The following IRS2 variants were observed in gnomAD, a reference collection of about 807,000 sequenced individuals.
IRS2 encodes insulin receptor substrate 2.
A neutral mutation model predicts 70.9 loss-of-function variants in IRS2; 28 were observed. That is an observed-to-expected ratio of 0.39 (90% CI 0.29 to 0.54). IRS2 has a LOEUF of 0.54. Ranked by LOEUF, IRS2 falls within the 20% of genes least tolerant of loss-of-function variation. The pLI is 0.59. For synonymous variants in IRS2, 1,217 were observed against 981.9 expected, an observed-to-expected ratio of 1.24 and a Z score of -4.48; for missense variants, 2,081 against 2,024.1, an observed-to-expected ratio of 1.03 and a Z score of -0.54.
In IRS2 at chr13:109,780,000, G is replaced by A. The variant is rs187552563; in HGVS notation, c.4012+2042C>T. 2.2e-3 allele frequency among the ~76,000 whole-genome samples: 338 copies of A among 152,164 alleles called. 2 individuals carry two copies. The highest frequency in any genetic ancestry group is 7.9e-3 in the African/African-American group (326 of 41,516). On this transcript the variant is annotated intron_variant, in intron 1 of 1. Transcript: ENST00000375856. ...TTTGGACCCCAATTCTGAATGTATC[G>A]GCTTCATCAGAAACGCCTTGCGTCC...
rs2138937660 is a variant in IRS2, at chr13:109,785,170, T to C, written c.884A>G (p.Lys295Arg). 1 of 1,600,718 alleles carries C rather than the reference T, an allele frequency of 6.2e-7. No individual in the cohort carries two copies. Among genetic ancestry groups the C allele is most frequent in the Non-Finnish European group, 8.5e-7 (1 of 1,174,458 alleles). ...GCGCGGCCGGAACTCGAAGAGCTCC[T>C]TGAGCGCCTTCATGGCCTCCAGGAT... ...ETILEAMKAL[K>R]ELFEFRPRSK... Residue 295 changes from lysine to arginine, a missense_variant, in exon 1 of 2, where the codon AAG becomes AGG. By Grantham distance (26) the Lys-to-Arg change is conservative (BLOSUM62 2). Transcript: ENST00000375856. The surrounding 1 kb of genome is among the most constrained non-coding windows in gnomAD (Gnocchi z 9.3).
rs1482272496 is a variant in IRS2, at chr13:109,782,134, C to T, written c.3920G>A (p.Gly1307Glu). 1 of 1,606,864 alleles carries T rather than the reference C, an allele frequency of 6.2e-7. No individual in the cohort carries two copies. The highest frequency in any genetic ancestry group is 1.7e-5 in the Admixed American group (1 of 59,296). The change falls in exon 1 of 2, where the codon GGG becomes GAG. Residue 1307 changes from glycine to glutamate, a missense_variant. By Grantham distance (98) the Gly-to-Glu change is moderately conservative. This residue lies in a region of IRS2 where 1,615 missense variants were observed against 1,459.5 expected (regional missense o/e 1.11). Coordinates refer to ENST00000375856, the MANE Select transcript of IRS2 (RefSeq NM_003749.3). ...VGVGSTGGGC[G>E]GPGPGALPPA... ...GGGCAGGGCACCGGGACCCGGCCCCCCGCACCCGCCGCCGGTGCTGCCGAC... is the reference window on the plus strand; with the variant it reads ...GGGCAGGGCACCGGGACCCGGCCCCTCGCACCCGCCGCCGGTGCTGCCGAC...
intron 1 of IRS2, among the ~76,000 whole-genome samples, chr13:109,760,011 C>G (rs1344046262): frequency 6.6e-6 from 1 of 152,180 alleles, no homozygotes; most frequent in Non-Finnish European, 1.5e-5. Context: ...CCCTGAAAAT[C>G]AGCCTGGTTC....
At position 109,782,378 on chromosome 13, in the gene IRS2, C is replaced by G. The variant is rs369041453; in HGVS notation, c.3676G>C (p.Gly1226Arg). The G allele has an allele frequency of 6.2e-6, 10 of 1,610,426 alleles. No individual in the cohort carries two copies. Among genetic ancestry groups the G allele is most frequent in the Non-Finnish European group, 1.7e-6 (2 of 1,178,880 alleles). Residue 1226 changes from glycine to arginine, a missense_variant, in exon 1 of 2, where the codon GGG (glycine) becomes CGG (arginine). Gly to Arg is a moderately radical substitution (Grantham distance 125). Around this residue, in one of 4 missense-constraint regions of IRS2, gnomAD observed 1,615 missense variants for 1,459.5 expected, o/e 1.11. Transcript: ENST00000375856. ...CTCCCAGGACAACCGACCAAGCCCC[C>G]GGGCTGACCCGGGGTCCACGGCCGG... is the stretch of plus-strand genomic sequence containing the variant. The part of the protein sequence containing the change: ...QGRPWTPGQP[G>R]GLVGCPGSGG...
At chr13:109,775,230 T>C (rs1348844924) in intron 1 of IRS2, among the ~76,000 whole-genome samples, 1 of 151,392 alleles carries the variant, frequency 6.6e-6, no homozygotes, top group Non-Finnish European at 1.5e-5. Flanking sequence ...GTGATTCTCC[T>C]GCCTCAGCCT....
chr13:109,767,798 T>C (rs564161676), intron 1 of IRS2, among the ~76,000 whole-genome samples: 142 of 143,776 alleles, frequency 9.9e-4, no homozygotes, highest in African/African-American at 3.4e-3. Context: ...AGTGGTGCAA[T>C]CTCGGCTCGC....
At position 109,785,814 on chromosome 13, in the gene IRS2, T is replaced by C; in HGVS notation, c.240A>G (p.Lys80=). The C allele has an allele frequency of 6.3e-7, 1 of 1,579,068 alleles. No individual in the cohort carries two copies. Among genetic ancestry groups the C allele is most frequent in the Non-Finnish European group, 8.5e-7 (1 of 1,170,390 alleles). Residue 80 remains lysine, a synonymous_variant, in exon 1 of 2, where the codon AAA becomes AAG. Coordinates refer to ENST00000375856, the MANE Select transcript of IRS2 (RefSeq NM_003749.3). This position sits in a 1 kb window ranked among gnomAD's most constrained non-coding sequence, Gnocchi z 9.3. ...GCGCGCCTGCCTTGCTCCGCCACTTTTTCTCGCTCTCGTAGTACTCGAGCC... is the reference window on the plus strand; with the variant it reads ...GCGCGCCTGCCTTGCTCCGCCACTTCTTCTCGCTCTCGTAGTACTCGAGCC... ...PPRLEYYESE[K]KWRSKAGAPK... is the part of the protein sequence containing the mutation.
intron 1 of IRS2, among the ~76,000 whole-genome samples, chr13:109,777,905 G>A (rs1049248941): frequency 2.6e-5 from 4 of 152,120 alleles, no homozygotes; most frequent in African/African-American, 9.7e-5. Flanking sequence ...TTACATAAAG[G>A]GGGAAAACAA....
At chr13:109,771,614 C>T (rs1352364881) in intron 1 of IRS2, among the ~76,000 whole-genome samples, 5 of 152,122 alleles carry the variant, frequency 3.3e-5, no homozygotes, top group South Asian at 2.1e-4. Context: ...GTTTCATTTG[C>T]GTATGTAAAA....
At chr13:109,777,853 T>C (rs1877614061) in intron 1 of IRS2, among the ~76,000 whole-genome samples, 1 of 152,226 alleles carries the variant, frequency 6.6e-6, no homozygotes, top group Admixed American at 6.5e-5. Context: ...GAACACCACT[T>C]TGTTACAATC....
At chr13:109,770,372 T>C (rs1281685944) in intron 1 of IRS2, among the ~76,000 whole-genome samples, 3 of 152,190 alleles carry the variant, frequency 2.0e-5, no homozygotes, top group Admixed American at 1.3e-4. Flanking sequence ...CAGGAGAGCT[T>C]GGAGGCAAGG....
intron 1 of IRS2, among the ~76,000 whole-genome samples, chr13:109,779,752 C>T (rs890404155): frequency 6.6e-6 from 1 of 151,972 alleles, no homozygotes; most frequent in Admixed American, 6.6e-5. Context: ...ATCATGATAC[C>T]CACACAAACT....
rs1374638111 is a variant in IRS2 at position 109,782,157 on chromosome 13, G to C, written c.3897C>G (p.Val1299=). ...CCCCGCACCCGCCGCCGGTGCTGCC[G>C]ACGCCCACAGCGCTGATGAGACCCC... ...SLGGLISAVG[V]GSTGGGCGGP... is the part of the protein sequence containing the mutation. The change falls in exon 1 of 2, where the codon GTC becomes GTG. Residue 1299 remains valine (V), a synonymous_variant. Coordinates refer to ENST00000375856, the MANE Select transcript of IRS2 (RefSeq NM_003749.3). 6.2e-7 allele frequency: 1 copy of C among 1,605,508 alleles called. No individual in the cohort carries two copies. Among genetic ancestry groups the C allele is most frequent in the East Asian group, 2.2e-5 (1 of 44,588 alleles).
In IRS2 at chr13:109,785,949, G is replaced by A. The variant is rs781122288; in HGVS notation, c.105C>T (p.Gly35=). 8.7e-6 allele frequency: 13 copies of A among 1,497,946 alleles called. No homozygotes were observed. The South Asian group carries it at 1.6e-4, about 19-fold the overall frequency. The allele number at this position is 1,497,946 out of a possible 1,614,324, so 92.8% of individuals were successfully genotyped here. The change falls in exon 1 of 2, where the codon GGC becomes GGT. Residue 35 remains glycine, a synonymous_variant. Coordinates refer to ENST00000375856, the MANE Select transcript of IRS2 (RefSeq NM_003749.3). This position sits in a 1 kb window ranked among gnomAD's most constrained non-coding sequence, Gnocchi z 9.3. ...GGCCATGCTTCTGCTTGCGCAGGTA[G>A]CCGCACTTGCGCACGCTGTGGTTGT... The part of the protein sequence containing the change: ...NNNNHSVRKC[G]YLRKQKHGHK...
In IRS2 at chr13:109,783,443, G is replaced by T; in HGVS notation, c.2611C>A (p.Arg871=). The T allele has an allele frequency of 6.6e-7, 1 of 1,524,628 alleles. No individual in the cohort carries two copies. The highest frequency in any genetic ancestry group is 8.8e-7 in the Non-Finnish European group (1 of 1,141,012). The allele number at this position is 1,524,628 out of a possible 1,614,324, so 94.4% of individuals were successfully genotyped here. Residue 871 remains arginine, a synonymous_variant, in exon 1 of 2, where the codon CGG becomes AGG. Transcript: ENST00000375856. ...CCCTCCGGGCGGCCGCCGCTAGGCC[G>T]CACGGGCGAAGGCACTACAGGGTGA... ...PPHPVVPSPV[R]PSGGRPEGFL...
intron 1 of IRS2, among the ~76,000 whole-genome samples, chr13:109,773,787 GT>G (rs1877511188): frequency 6.6e-6 from 1 of 152,212 alleles, no homozygotes; most frequent in Non-Finnish European, 1.5e-5. Context: ...TTACTAAAAT[GT>G]TCCAAAGTAA....
Position 109,786,106 on chromosome 13 carries a change from A to T in IRS2, c.-53T>A. On this transcript the variant is annotated 5_prime_UTR_variant, in exon 1 of 2. Coordinates refer to ENST00000375856, the MANE Select transcript of IRS2 (RefSeq NM_003749.3). The surrounding 1 kb of genome is among the most constrained non-coding windows in gnomAD (Gnocchi z 4.4). ...GGCCCGGCGCCCAGGGGTTGGGGCG[A>T]GGGGCGGAGGGGGCGCGGGCGGGGG... 1.1e-6 allele frequency: 1 copy of T among 945,486 alleles called. No homozygotes were observed. The highest frequency in any genetic ancestry group is 1.3e-6 in the Non-Finnish European group (1 of 796,062). 58.6% of individuals were successfully genotyped at this position (945,486 alleles called of 1,614,324 possible).
In IRS2 at chr13:109,755,218, T is replaced by TTG. The variant is rs1423143642; in HGVS notation, c.*1085_*1086insCA. The TTG allele has an allele frequency of 4.7e-5, 7 of 148,484 alleles. No homozygotes were observed. Among genetic ancestry groups the TTG allele is most frequent in the Admixed American group, 1.3e-4 (1 of 7,804 alleles). 9.2% of individuals were successfully genotyped at this position (148,484 alleles called of 1,614,324 possible). A position where few individuals can be genotyped will look rare whatever the true frequency, so the allele number is the denominator to read the frequency against. The stretch of plus-strand genomic sequence containing the variant: ...TTTTATCAGTTTCTTTCTTTCCTTT[T>TTG]TTTTTTTTCTTTTTGTTTTTTTTGT... On this transcript the variant is annotated 3_prime_UTR_variant, in exon 2 of 2. Coordinates refer to ENST00000375856, the MANE Select transcript of IRS2 (RefSeq NM_003749.3).
chr13:109,763,448 T>A (rs1016916572), intron 1 of IRS2, among the ~76,000 whole-genome samples: 2 of 152,256 alleles, frequency 1.3e-5, no homozygotes, highest in African/African-American at 4.8e-5. Flanking sequence ...TTTTCATGCA[T>A]AACACAAAAG....
Sources: gnomAD v4.1 joint callset for allele counts (sites outside exome capture counted in the v4.1 genomes callset) on GRCh38, gnomAD v4.1.1 for gene constraint, gnomAD v4.1.1 regional missense constraint, Gnocchi (gnomAD v3.1) non-coding constraint, MANE v1.5 for transcripts, NCBI Gene and HGNC (gene_info 2026-07-23, HGNC 2026-07-21) for gene names.